KCNIP4: variants seen among roughly 807,000 people sequenced by gnomAD.
KCNIP4 encodes the protein potassium voltage-gated channel interacting protein 4.
In KCNIP4, 12 loss-of-function variants were observed where a neutral mutation model predicts 34.0. The ratio of observed to expected loss-of-function variants is 0.35; its 90% CI spans 0.23 to 0.57. The LOEUF (loss-of-function observed/expected upper bound fraction) is 0.57, where lower values mean the gene tolerates loss of function less well. Among genes scored for constraint, KCNIP4 ranks in the 20% least tolerant of loss-of-function variants. The pLI, the probability that KCNIP4 is intolerant of heterozygous loss-of-function variation, is 0.83. For missense variants in KCNIP4, 238 were observed against 311.7 expected, an observed-to-expected ratio of 0.76 and a Z score of 1.78; for synonymous variants, 124 against 102.2, an observed-to-expected ratio of 1.21 and a Z score of -1.29.
chr4:21,426,282 T>G (rs1722206648), intron 1 of KCNIP4, among the ~76,000 whole-genome samples: 1 of 152,170 alleles, frequency 6.6e-6, no homozygotes, highest in Non-Finnish European at 1.5e-5. Flanking sequence ...TATGGACACA[T>G]GGAGTCTTTC....
rs1408403650 is a variant in KCNIP4 at position 21,938,527 on chromosome 4, TGATTCTGTATTATACAC to T, written c.61+10027_61+10043del. Among the ~76,000 whole-genome samples, 21 of 152,292 alleles carry T rather than the reference TGATTCTGTATTATACAC, an allele frequency of 1.4e-4. No individual in the cohort carries two copies. The East Asian group carries it at 4.1e-3, about 29-fold the overall frequency. Reference sequence around the variant, plus strand: ...CGTAAGGTTTGTGTTGTATTATACATGATTCTGTATTATACACGATTCTGTATTATACACGATTGTGT... The same window carrying T: ...CGTAAGGTTTGTGTTGTATTATACATGATTCTGTATTATACACGATTGTGT... On this transcript the variant is annotated intron_variant, in intron 1 of 8. Coordinates refer to ENST00000382152, the MANE Select transcript of KCNIP4 (RefSeq NM_025221.6).
intron 1 of KCNIP4, among the ~76,000 whole-genome samples, chr4:21,035,674 T>C (rs1741386982): frequency 6.6e-6 from 1 of 152,200 alleles, no homozygotes; most frequent in South Asian, 2.1e-4. Flanking sequence ...AATTCATATT[T>C]ATTGAGGCTT....
intron 1 of KCNIP4, among the ~76,000 whole-genome samples, chr4:20,940,450 A>T (rs1289466192): frequency 1.3e-5 from 2 of 152,218 alleles, no homozygotes; most frequent in Non-Finnish European, 2.9e-5. Flanking sequence ...CAACTTAGGA[A>T]GTGATCCAAT....
chr4:21,928,411 T>G (rs566683808), intron 1 of KCNIP4, among the ~76,000 whole-genome samples: 1 of 152,124 alleles, frequency 6.6e-6, no homozygotes, highest in Non-Finnish European at 1.5e-5. Context: ...ATACCCAGCA[T>G]ATCTTTAATA....
At chr4:20,878,248 A>G (rs982125538) in intron 2 of KCNIP4, among the ~76,000 whole-genome samples, 5 of 152,152 alleles carry the variant, frequency 3.3e-5, no homozygotes, top group Non-Finnish European at 4.4e-5. Context: ...CATGCTCATG[A>G]TATTTCCTAT....
chr4:21,886,111 T>G (rs1726748504), intron 1 of KCNIP4, among the ~76,000 whole-genome samples: 1 of 152,176 alleles, frequency 6.6e-6, no homozygotes, highest in Non-Finnish European at 1.5e-5. Flanking sequence ...TCTGTATTGT[T>G]TGGAATGAAT....
intron 1 of KCNIP4, among the ~76,000 whole-genome samples, chr4:21,872,288 C>T (rs757713442): frequency 2.6e-5 from 4 of 152,270 alleles, no homozygotes; most frequent in East Asian, 1.9e-4. Context: ...GAAACGTGAA[C>T]GCCTGGCATT....
chr4:20,737,168 A>C (rs1407470632), intron 5 of KCNIP4, among the ~76,000 whole-genome samples: 16 of 152,210 alleles, frequency 1.1e-4, no homozygotes, highest in Admixed American at 1.0e-3. Flanking sequence ...ATTCCAGAGA[A>C]AGCCACAAGG....
intron 1 of KCNIP4, among the ~76,000 whole-genome samples, chr4:21,361,293 CT>C (rs1719194813): frequency 6.6e-6 from 1 of 151,978 alleles, no homozygotes; most frequent in African/African-American, 2.4e-5. Flanking sequence ...ATAACAGTCC[CT>C]ATTTCATCAT....
intron 1 of KCNIP4, among the ~76,000 whole-genome samples, chr4:21,759,276 AT>A (rs1450509154): frequency 6.6e-6 from 1 of 152,174 alleles, no homozygotes; most frequent in Non-Finnish European, 1.5e-5. Context: ...GCTTTGTATA[AT>A]TTTGCCCATT....
At chr4:21,146,536 T>G (rs1274399101) in intron 1 of KCNIP4, among the ~76,000 whole-genome samples, 1 of 152,114 alleles carries the variant, frequency 6.6e-6, no homozygotes, top group Non-Finnish European at 1.5e-5. Flanking sequence ...GGTCAGAGAG[T>G]CTGCTGTACT....
chr4:21,050,185 A>G (rs1279211503), intron 1 of KCNIP4, among the ~76,000 whole-genome samples: 2 of 152,230 alleles, frequency 1.3e-5, no homozygotes, highest in African/African-American at 4.8e-5. Flanking sequence ...AATATTTACT[A>G]TTTTTAAGCC....
At chr4:21,740,232 ATACT>A (rs1560678737) in intron 1 of KCNIP4, among the ~76,000 whole-genome samples, 1 of 152,162 alleles carries the variant, frequency 6.6e-6, no homozygotes, top group African/African-American at 2.4e-5. Context: ...ATGGTTTTCA[ATACT>A]TAAATATTTA....
rs942514157 is a variant in KCNIP4, at chr4:21,510,679, T to C, written c.61+437892A>G. Among the ~76,000 whole-genome samples the C allele has an allele frequency of 4.6e-5, 7 of 152,042 alleles. No individual in the cohort carries two copies. In the East Asian group the frequency reaches 7.7e-4, roughly 17 times the overall value. ...CCTCATCTCTAAAATAAAGCTAATA[T>C]GTTGACCCCTCATTTTTATTTGGAA... On this transcript the variant is annotated intron_variant, in intron 1 of 8. Transcript: ENST00000382152.
chr4:21,526,790 T>C (rs187317468), intron 1 of KCNIP4, among the ~76,000 whole-genome samples: 22 of 152,268 alleles, frequency 1.4e-4, no homozygotes, highest in Admixed American at 4.6e-4. Context: ...TAAGGAAATA[T>C]TATTAAAGAA....
At chr4:21,006,757 G>A (rs769773212) in intron 1 of KCNIP4, among the ~76,000 whole-genome samples, 2 of 152,174 alleles carry the variant, frequency 1.3e-5, no homozygotes, top group Non-Finnish European at 2.9e-5. Context: ...CCGTGCCTGG[G>A]AGATGTGTCT....
At chr4:20,902,639 C>G (rs762833045) in intron 1 of KCNIP4, among the ~76,000 whole-genome samples, 1 of 152,158 alleles carries the variant, frequency 6.6e-6, no homozygotes, top group African/African-American at 2.4e-5. Flanking sequence ...CTTGCCCCAG[C>G]CTCCCAAGTA....
chr4:21,776,182 G>A (rs1719165548), intron 1 of KCNIP4, among the ~76,000 whole-genome samples: 2 of 152,184 alleles, frequency 1.3e-5, no homozygotes, highest in Admixed American at 6.5e-5. Flanking sequence ...CTGGGGAGAG[G>A]GGGTTCCCCT....
intron 1 of KCNIP4, among the ~76,000 whole-genome samples, chr4:21,177,658 G>A (rs774534282): frequency 6.6e-6 from 1 of 151,232 alleles, no homozygotes. Context: ...GACAAAACCC[G>A]GTCTCTACTA....
Sources: gnomAD v4.1 joint callset for allele counts (sites outside exome capture counted in the v4.1 genomes callset) on GRCh38, gnomAD v4.1.1 for gene constraint, MANE v1.5 for transcripts, NCBI Gene and HGNC (gene_info 2026-07-23, HGNC 2026-07-21) for gene names.